Variants in SHLD1 observed in about 807,000 individuals in gnomAD.
SHLD1 encodes RINN1-REV7-interacting novel NHEJ regulator 3.
Under a neutral mutation model 5.5 loss-of-function variants are expected in SHLD1, and 3 were observed. The ratio of observed to expected loss-of-function variants is 0.54; its 90% CI spans 0.25 to 1.40. The LOEUF (loss-of-function observed/expected upper bound fraction) is 1.40, where lower values mean the gene tolerates loss of function less well. Among genes scored for constraint, SHLD1 ranks in the 40% most tolerant of loss-of-function variants. The pLI is 0.15. For missense variants in SHLD1, 210 were observed against 244.4 expected (o/e 0.86, Z 0.94); for synonymous variants, 92 against 94.3 (o/e 0.98, Z 0.14).
chr20:5,772,675 G>T (rs1311747457), intron 1 of SHLD1, among the ~76,000 whole-genome samples, 187 bp from the exon 2 acceptor site: 2 of 152,124 alleles, frequency 1.3e-5, no homozygotes, highest in Non-Finnish European at 2.9e-5. Flanking sequence ...ACTTTGGGAG[G>T]CTGAGGTGGG....
intron 2 of SHLD1, among the ~76,000 whole-genome samples, chr20:5,857,552 TA>T (rs2088104756): frequency 6.6e-6 from 1 of 152,192 alleles, no homozygotes; most frequent in Non-Finnish European, 1.5e-5. Context: ...CTCACACCTA[TA>T]ATCTCAGCAC....
intron 2 of SHLD1, among the ~76,000 whole-genome samples, chr20:5,816,394 T>G (rs2087531176): frequency 6.6e-6 from 1 of 152,316 alleles, no homozygotes; most frequent in East Asian, 1.9e-4. Context: ...TTGCCAACAA[T>G]GATTTGAAAA....
At chr20:5,849,413 A>G (rs548584275) in intron 2 of SHLD1, among the ~76,000 whole-genome samples, 1 of 152,328 alleles carries the variant, frequency 6.6e-6, no homozygotes, top group East Asian at 1.9e-4. Context: ...CATAGGACAA[A>G]TCCGTGGAGG....
intron 2 of SHLD1, among the ~76,000 whole-genome samples, chr20:5,860,798 A>G (rs1173499439): frequency 2.0e-5 from 3 of 148,536 alleles, no homozygotes; most frequent in Non-Finnish European, 3.0e-5. Flanking sequence ...GCTTCAGTCC[A>G]GTGATAGTGT....
intron 2 of SHLD1, among the ~76,000 whole-genome samples, chr20:5,854,707 T>A (rs929293075): frequency 1.3e-5 from 2 of 152,186 alleles, no homozygotes; most frequent in Non-Finnish European, 2.9e-5. Context: ...TTTTGAAGCA[T>A]ATAGTTCTGT....
At chr20:5,861,984 T>A (rs966182920) in intron 2 of SHLD1, among the ~76,000 whole-genome samples, 2 of 152,212 alleles carry the variant, frequency 1.3e-5, no homozygotes, top group African/African-American at 2.4e-5. Flanking sequence ...CTTCTCACTG[T>A]GTGCTCACAT....
At chr20:5,854,337 A>C (rs1415390317) in intron 2 of SHLD1, among the ~76,000 whole-genome samples, 1 of 152,058 alleles carries the variant, frequency 6.6e-6, no homozygotes, top group Non-Finnish European at 1.5e-5. Context: ...TGGTAGAGAC[A>C]GGGTTTCGCC....
chr20:5,788,853 T>G (rs1189928123), intron 2 of SHLD1, among the ~76,000 whole-genome samples: 1 of 152,192 alleles, frequency 6.6e-6, no homozygotes, highest in African/African-American at 2.4e-5. Flanking sequence ...TTTTTTTTGC[T>G]GGGCTCAGTG....
intron 2 of SHLD1, among the ~76,000 whole-genome samples, chr20:5,846,555 C>T (rs1049667065): frequency 6.6e-6 from 1 of 152,152 alleles, no homozygotes; most frequent in Non-Finnish European, 1.5e-5. Flanking sequence ...ACTGAAACCT[C>T]GTGTGTGAAA....
chr20:5,764,183 T>C (rs1159490655), intron 1 of SHLD1, among the ~76,000 whole-genome samples: 1 of 63,822 alleles, frequency 1.6e-5, no homozygotes, highest in African/African-American at 5.8e-5. Context: ...TATTTTTATA[T>C]ATATATATTT....
chr20:5,822,585 G>C (rs1489128274), intron 2 of SHLD1, among the ~76,000 whole-genome samples: 3 of 152,074 alleles, frequency 2.0e-5, no homozygotes, highest in African/African-American at 7.2e-5. Context: ...GAGACAAATT[G>C]TGTGGTTCCT....
rs138117521 is a variant in SHLD1 at position 5,772,880 on chromosome 20, C to T, written c.15C>T (p.Asp5=). MAAR[D]ATSGSLSEES... is the part of the protein sequence containing the mutation. ...ATGGCAGGACTATGGCAGCCAGGGA[C>T]GCCACTTCAGGCAGCCTGTCAGAGG... The change falls in exon 2 of 3, where the codon GAC becomes GAT. Residue 5 remains aspartate, a synonymous_variant. Transcript: ENST00000303142. 7.5e-5 allele frequency: 121 copies of T among 1,612,588 alleles called. No individual in the cohort carries two copies. In the African/African-American group the frequency reaches 1.1e-3, roughly 15 times the overall value.
In SHLD1 at chr20:5,806,251, A is replaced by G. The variant is rs2087373764; in HGVS notation, c.178+33208A>G. On this transcript the variant is annotated intron_variant, in intron 2 of 2. Coordinates refer to ENST00000303142, the MANE Select transcript of SHLD1 (RefSeq NM_152504.4). The surrounding 1 kb of genome is among the most constrained non-coding windows in gnomAD (Gnocchi z 7.6). Reference sequence around the variant, plus strand: ...GATGGGTGGACACATAGTAGCTGACATAAGTGAGAATCTCCACCCACAAAC... The same window carrying G: ...GATGGGTGGACACATAGTAGCTGACGTAAGTGAGAATCTCCACCCACAAAC... Among the ~76,000 whole-genome samples the G allele has an allele frequency of 6.6e-6, 1 of 152,228 alleles. No individual in the cohort carries two copies. The highest frequency in any genetic ancestry group is 1.5e-5 in the Non-Finnish European group (1 of 68,040).
intron 1 of SHLD1, among the ~76,000 whole-genome samples, chr20:5,753,123 C>T (rs536160829): frequency 6.6e-6 from 1 of 152,220 alleles, no homozygotes; most frequent in East Asian, 1.9e-4. Flanking sequence ...TTATTTCATT[C>T]AGGGTTTGCT....
intron 1 of SHLD1, among the ~76,000 whole-genome samples, chr20:5,760,002 A>C (rs185034399): frequency 1.3e-3 from 202 of 151,906 alleles, no homozygotes; most frequent in African/African-American, 4.7e-3. Flanking sequence ...ACACACACAC[A>C]CACACACATA....
chr20:5,806,936 G>A lies in SHLD1; in HGVS notation c.178+33893G>A, dbSNP rs4815864. Among the ~76,000 whole-genome samples, 34,052 of 152,158 alleles carry A rather than the reference G, an allele frequency of 0.22. 3,820 individuals are homozygous for A. Among genetic ancestry groups the A allele is most frequent in the East Asian group, 0.27 (1,400 of 5,162 alleles). The stretch of plus-strand genomic sequence containing the variant: ...AGCACCGAAGAGTGAGTGAGTGGTC[G>A]TGTAACCTGTACCTGCAATCTTGGC... On this transcript the variant is annotated intron_variant, in intron 2 of 2. Transcript: ENST00000303142. This position sits in a 1 kb window ranked among gnomAD's most constrained non-coding sequence, Gnocchi z 7.6.
intron 2 of SHLD1, among the ~76,000 whole-genome samples, chr20:5,848,487 T>C (rs376433248): frequency 6.6e-6 from 1 of 152,070 alleles, no homozygotes; most frequent in African/African-American, 2.4e-5. Context: ...TTTTAAAAAG[T>C]TGGGGAGGGG....
rs770155376 is a variant in SHLD1, at chr20:5,863,308, G to A, written c.463G>A (p.Asp155Asn). The A allele has an allele frequency of 6.2e-7, 1 of 1,614,206 alleles. No individual in the cohort carries two copies. Among genetic ancestry groups the A allele is most frequent in the Non-Finnish European group, 8.5e-7 (1 of 1,180,044 alleles). The change falls in exon 3 of 3, where the codon GAC becomes AAC. Residue 155 changes from aspartate to asparagine, a missense_variant. Physicochemically the swap from Asp to Asn is conservative, Grantham distance 23. Transcript: ENST00000303142. ...AATGGCCCGGGTGATCTTCAACCGG[G>A]ACGGCTGCTCCGTCTTACAGAGGCA... ...FQMARVIFNR[D>N]GCSVLQRHSR... is the part of the protein sequence containing the mutation.
intron 1 of SHLD1, among the ~76,000 whole-genome samples, chr20:5,759,461 A>G (rs945308641): frequency 1.3e-5 from 2 of 151,934 alleles, no homozygotes; most frequent in African/African-American, 4.8e-5. Flanking sequence ...GGATTTCACC[A>G]TGTTGGCAAG....
Sources: gnomAD v4.1 joint callset for allele counts (sites outside exome capture counted in the v4.1 genomes callset) on GRCh38, gnomAD v4.1.1 for gene constraint, Gnocchi (gnomAD v3.1) non-coding constraint, MANE v1.5 for transcripts, NCBI Gene and HGNC (gene_info 2026-07-23, HGNC 2026-07-21) for gene names.